The following GNAI3 variants were observed in gnomAD, a reference collection of about 807,000 sequenced individuals.
The protein encoded by GNAI3 is guanine nucleotide-binding protein G(i) subunit alpha-3.
GNAI3 carries 12 observed loss-of-function variants against 41.8 expected under a neutral mutation model. The observed-to-expected ratio is 0.29, with a 90% CI of 0.18 to 0.47. The LOEUF (loss-of-function observed/expected upper bound fraction) is 0.47. Ranked by LOEUF, GNAI3 falls within the 20% of genes least tolerant of loss-of-function variation. The pLI, the probability that GNAI3 is intolerant of heterozygous loss-of-function variation, is 1.00. For missense variants in GNAI3, 360 were observed against 429.6 expected (o/e 0.84, Z 1.43); for synonymous variants, 132 against 146.5 (o/e 0.90, Z 0.71).
chr1:109,559,544 T>C (rs1006834336), intron 1 of GNAI3, among the ~76,000 whole-genome samples: 2 of 152,218 alleles, frequency 1.3e-5, no homozygotes, highest in Non-Finnish European at 2.9e-5. Context: ...TATTTTTGTG[T>C]TATGTCTCTT....
intron 1 of GNAI3, among the ~76,000 whole-genome samples, chr1:109,558,609 A>T (rs7553095): frequency 0.45 from 67,832 of 151,700 alleles, 16,606 homozygotes; most frequent in East Asian, 0.62. Context: ...CTTCATCATC[A>T]CCCTGGCTTT....
chr1:109,572,711 G>A (rs1320050533), intron 1 of GNAI3, among the ~76,000 whole-genome samples: 1 of 152,118 alleles, frequency 6.6e-6, no homozygotes, highest in Non-Finnish European at 1.5e-5. Flanking sequence ...GTGTATGTGT[G>A]TTGATTTAAA....
At position 109,576,511 on chromosome 1, in the gene GNAI3, T is replaced by G. The variant is rs116211032; in HGVS notation, c.303+2474T>G. Among the ~76,000 whole-genome samples, 1,425 of 151,928 alleles carry G rather than the reference T, an allele frequency of 9.4e-3. 14 individuals are homozygous for G. Among genetic ancestry groups the G allele is most frequent in the Middle Eastern group, 0.02 (6 of 294 alleles). ...AAGAGGGGCCTCTTCTGTTTTTTTT[T>G]TTGTTGTTGTTTTTTGTTTTTTTTG... On this transcript the variant is annotated intron_variant, in intron 3 of 8. Coordinates refer to ENST00000369851, the MANE Select transcript of GNAI3 (RefSeq NM_006496.4).
chr1:109,573,764 T>C lies in GNAI3; in HGVS notation c.146T>C (p.Ile49Thr), dbSNP rs1553223899. Residue 49 changes from isoleucine to threonine, a missense_variant, in exon 2 of 9, where the codon ATT (isoleucine) becomes ACT (threonine). By Grantham distance (89) the Ile-to-Thr change is moderately conservative. Coordinates refer to ENST00000369851, the MANE Select transcript of GNAI3 (RefSeq NM_006496.4). Reference sequence around the variant, plus strand: ...GCTGGAGAATCTGGTAAAAGCACCATTGTGAAACAGATGAAGTAAGTTGGA... The same window carrying C: ...GCTGGAGAATCTGGTAAAAGCACCACTGTGAAACAGATGAAGTAAGTTGGA... ...LGAGESGKST[I>T]VKQMKIIHED... 6.2e-7 allele frequency: 1 copy of C among 1,612,532 alleles called. No homozygotes were observed. Among genetic ancestry groups the C allele is most frequent in the African/African-American group, 1.3e-5 (1 of 75,008 alleles).
chr1:109,549,908 T>TAC (rs1647938866), intron 1 of GNAI3, among the ~76,000 whole-genome samples: 1 of 152,180 alleles, frequency 6.6e-6, no homozygotes, highest in Non-Finnish European at 1.5e-5. Flanking sequence ...ATACAAAGAA[T>TAC]ACTGGCATTA....
At chr1:109,562,584 T>C (rs1203559171) in intron 1 of GNAI3, among the ~76,000 whole-genome samples, 1 of 152,214 alleles carries the variant, frequency 6.6e-6, no homozygotes, top group Non-Finnish European at 1.5e-5. Flanking sequence ...CCATACTGTT[T>C]TGGGTTTTGG....
Position 109,598,383 on chromosome 1 carries a change from G to A in GNAI3, c.*6061G>A, listed in dbSNP as rs1649367705. 1 of 152,760 alleles carries A rather than the reference G, an allele frequency of 6.5e-6. No individual in the cohort carries two copies. Among genetic ancestry groups the A allele is most frequent in the Non-Finnish European group, 1.5e-5 (1 of 68,486 alleles). 9.5% of individuals were successfully genotyped at this position (152,760 alleles called of 1,614,324 possible). A position where few individuals can be genotyped will look rare whatever the true frequency, so the allele number is the denominator to read the frequency against. On this transcript the variant is annotated 3_prime_UTR_variant, in exon 9 of 9. Coordinates refer to ENST00000369851, the MANE Select transcript of GNAI3 (RefSeq NM_006496.4). ...CTATGGAATCTTGTGTATTCTTTCA[G>A]TCTTAAATCACTCATCTGTTATCTA... is the stretch of plus-strand genomic sequence containing the variant.
intron 1 of GNAI3, among the ~76,000 whole-genome samples, chr1:109,568,844 G>A (rs575011978): frequency 5.5e-5 from 8 of 145,526 alleles, no homozygotes; most frequent in African/African-American, 2.2e-4. Flanking sequence ...CTAATTTTTT[G>A]TGTTATTCTT....
intron 4 of GNAI3, among the ~76,000 whole-genome samples, chr1:109,581,265 G>GT: frequency 6.7e-6 from 1 of 150,366 alleles, no homozygotes; most frequent in South Asian, 2.1e-4. Context: ...TTTACAATTT[G>GT]TTTTTGATTT....
rs1476779981 is a variant in GNAI3 at position 109,592,330 on chromosome 1, ATTC to A, written c.*23-10_*23-8del. 1 of 770,184 alleles carries A rather than the reference ATTC, an allele frequency of 1.3e-6. No individual in the cohort carries two copies. The highest frequency in any genetic ancestry group is 2.1e-6 in the Non-Finnish European group (1 of 465,216). 47.7% of individuals were successfully genotyped at this position (770,184 alleles called of 1,614,324 possible). On this transcript the variant is annotated splice_polypyrimidine_tract_variant and intron_variant, in intron 8 of 8. Coordinates refer to ENST00000369851, the MANE Select transcript of GNAI3 (RefSeq NM_006496.4). The stretch of plus-strand genomic sequence containing the variant: ...TTTTAAACTTTTTCTAATTAAGAAT[ATTC>A]TTCTCTTCTAGTTACTACAGTGTGG...
chr1:109,578,634 T>C, intron 3 of GNAI3, among the ~76,000 whole-genome samples: 1 of 152,102 alleles, frequency 6.6e-6, no homozygotes, highest in Admixed American at 6.5e-5. Context: ...TTTGAATCTT[T>C]CCCTGAGGGA....
chr1:109,570,227 A>G (rs1269400381), intron 1 of GNAI3, among the ~76,000 whole-genome samples: 1 of 152,230 alleles, frequency 6.6e-6, no homozygotes, highest in African/African-American at 2.4e-5. Context: ...AAGATCATAT[A>G]TAAATGTACC....
In GNAI3 at chr1:109,592,402, C is replaced by A; in HGVS notation, c.*80C>A. On this transcript the variant is annotated 3_prime_UTR_variant, in exon 9 of 9. Coordinates refer to ENST00000369851, the MANE Select transcript of GNAI3 (RefSeq NM_006496.4). The stretch of plus-strand genomic sequence containing the variant: ...CTTTTGCTGTCTCATGGGGCAGCTA[C>A]AAGCATGAACGGGACCAGGGAATGG... The A allele has an allele frequency of 2.0e-6, 1 of 503,324 alleles. No homozygotes were observed. Among genetic ancestry groups the A allele is most frequent in the Non-Finnish European group, 3.6e-6 (1 of 277,580 alleles). The allele number at this position is 503,324 out of a possible 1,614,324, so 31.2% of individuals were successfully genotyped here. A position where few individuals can be genotyped will look rare whatever the true frequency, so the allele number is the denominator to read the frequency against.
chr1:109,564,448 T>G (rs180987325), intron 1 of GNAI3, among the ~76,000 whole-genome samples: 1 of 152,170 alleles, frequency 6.6e-6, no homozygotes, highest in East Asian at 1.9e-4. Flanking sequence ...TCTCTTTTTT[T>G]GTGAGCTCTC....
rs536732969 is a variant in GNAI3, at chr1:109,599,774, T to C, written c.*7452T>C. 6.6e-6 allele frequency: 1 copy of C among 152,326 alleles called. No homozygotes were observed. Among genetic ancestry groups the C allele is most frequent in the South Asian group, 2.1e-4 (1 of 4,824 alleles). The allele number at this position is 152,326 out of a possible 1,614,324, so 9.4% of individuals were successfully genotyped here. ...TTAGCTTGGAGGTGGTTTTGTTAAA[T>C]GTCCACGATTTAGAGACGGCATAAT... On this transcript the variant is annotated 3_prime_UTR_variant, in exon 9 of 9. Coordinates refer to ENST00000369851, the MANE Select transcript of GNAI3 (RefSeq NM_006496.4).
At chr1:109,549,335 T>G (rs189176948) in intron 1 of GNAI3, among the ~76,000 whole-genome samples, 2 of 152,136 alleles carry the variant, frequency 1.3e-5, no homozygotes, top group African/African-American at 2.4e-5. Flanking sequence ...CATAAGGACG[T>G]TGACATTTGT....
At chr1:109,563,587 C>T (rs1648371601) in intron 1 of GNAI3, among the ~76,000 whole-genome samples, 1 of 152,092 alleles carries the variant, frequency 6.6e-6, no homozygotes, top group Admixed American at 6.5e-5. Context: ...GCCAACCCTT[C>T]CTTAGATGAT....
chr1:109,588,660 C>T (rs774660852), intron 7 of GNAI3, among the ~76,000 whole-genome samples: 13 of 152,004 alleles, frequency 8.6e-5, no homozygotes, highest in Non-Finnish European at 1.3e-4. Context: ...TTTGGGAGGC[C>T]GTGGCAGGTG....
In GNAI3 at chr1:109,599,874, G is replaced by T. The variant is rs1649401092; in HGVS notation, c.*7552G>T. On this transcript the variant is annotated 3_prime_UTR_variant, in exon 9 of 9. Transcript: ENST00000369851. ...AAGAAATTGGCTTTGATTTTATAGT[G>T]TATGGTGCTCTGTTGGTAGCTGGAC... is the stretch of plus-strand genomic sequence containing the variant. 6.6e-6 allele frequency: 1 copy of T among 152,212 alleles called. No individual in the cohort carries two copies. The highest frequency in any genetic ancestry group is 6.5e-5 in the Admixed American group (1 of 15,278). 9.4% of individuals were successfully genotyped at this position (152,212 alleles called of 1,614,324 possible). A position where few individuals can be genotyped will look rare whatever the true frequency, so the allele number is the denominator to read the frequency against.
Sources: allele counts gnomAD v4.1 joint callset (sites outside exome capture counted in the v4.1 genomes callset), GRCh38; gene constraint gnomAD v4.1.1; transcripts MANE v1.5; gene names NCBI Gene and HGNC (gene_info 2026-07-23, HGNC 2026-07-21).